TMEM131: variants seen among roughly 807,000 people sequenced by gnomAD.
TMEM131 encodes the protein 2610524E03Rik.
A neutral mutation model predicts 211.6 loss-of-function variants in TMEM131; 66 were observed. The observed-to-expected ratio is 0.31, with a 90% CI of 0.26 to 0.38. The LOEUF is 0.38. Among genes scored for constraint, TMEM131 ranks in the 10% least tolerant of loss-of-function variants. The pLI is 1.00. For synonymous variants in TMEM131, 844 were observed against 841.3 expected, an observed-to-expected ratio of 1.00 and a Z score of -0.06; for missense variants, 2,036 against 2,299.3, an observed-to-expected ratio of 0.89 and a Z score of 2.34.
At position 97,766,263 on chromosome 2, in the gene TMEM131, C is replaced by G; in HGVS notation, c.4574G>C (p.Gly1525Ala). 1 of 1,613,942 alleles carries G rather than the reference C, an allele frequency of 6.2e-7. No individual in the cohort carries two copies. Among genetic ancestry groups the G allele is most frequent in the Non-Finnish European group, 8.5e-7 (1 of 1,179,872 alleles). Residue 1525 changes from glycine (G) to alanine (A), a missense_variant and splice_region_variant, in exon 35 of 41, where the codon GGT (glycine) becomes GCT (alanine). Physicochemically the swap from Gly to Ala is moderately conservative, Grantham distance 60. Around this residue, in one of 3 missense-constraint regions of TMEM131, gnomAD observed 1,623 missense variants for 1,805.9 expected, o/e 0.90. Transcript: ENST00000186436. ...TCTGTTATCCACTAACTTACTTGTA[C>G]CTGCACAAAAATCAGAAAAGAACAT... ...SKSRNAQKTK[G>A]TSKLVDNRPP...
At chr2:97,760,953 G>A in intron 36 of TMEM131, 39 bp from the exon 37 acceptor site, 1 of 1,610,874 alleles carries the variant, frequency 6.2e-7, no homozygotes, top group Non-Finnish European at 8.5e-7. Context: ...TTCCTCATCA[G>A]CAGTGCCCTG....
At chr2:97,774,669 A>G (rs1011526852) in intron 32 of TMEM131, among the ~76,000 whole-genome samples, 3 of 152,186 alleles carry the variant, frequency 2.0e-5, no homozygotes, top group Non-Finnish European at 4.4e-5. Flanking sequence ...AGAGGGGGCC[A>G]CAGTGGTGTG....
intron 29 of TMEM131, among the ~76,000 whole-genome samples, chr2:97,793,993 C>CAAAAAA (rs1169823016): frequency 1.3e-3 from 68 of 54,386 alleles, no homozygotes; most frequent in Admixed American, 2.5e-3. Flanking sequence ...GACTCTGTCT[C>CAAAAAA]AAAAAAAAAA....
intron 5 of TMEM131, among the ~76,000 whole-genome samples, chr2:97,850,941 G>A (rs547962037): frequency 6.6e-6 from 1 of 151,334 alleles, no homozygotes; most frequent in South Asian, 2.1e-4. Flanking sequence ...ACTCCAAAGA[G>A]TTAGAAAAAT....
intron 4 of TMEM131, among the ~76,000 whole-genome samples, chr2:97,873,150 G>A (rs1260953865): frequency 2.0e-5 from 3 of 152,236 alleles, no homozygotes; most frequent in African/African-American, 7.2e-5. Context: ...AGTTCGAACT[G>A]GGCAGAGCCC....
intron 1 of TMEM131, among the ~76,000 whole-genome samples, chr2:97,929,794 G>A (rs2104451348): frequency 6.6e-6 from 1 of 151,798 alleles, no homozygotes; most frequent in East Asian, 1.9e-4. Flanking sequence ...TTTTGCTCAG[G>A]TACAATAAGC....
chr2:97,880,876 T>C (rs768909713), intron 4 of TMEM131, among the ~76,000 whole-genome samples: 4 of 152,150 alleles, frequency 2.6e-5, no homozygotes, highest in African/African-American at 4.8e-5. Flanking sequence ...ATTTTAAAAA[T>C]AGCCTCAGGC....
chr2:97,984,294 C>A (rs919051537), intron 1 of TMEM131, among the ~76,000 whole-genome samples: 5 of 151,966 alleles, frequency 3.3e-5, no homozygotes, highest in Non-Finnish European at 5.9e-5. Flanking sequence ...TTCATTTTTT[C>A]ATAGAAAATT....
intron 4 of TMEM131, among the ~76,000 whole-genome samples, chr2:97,870,904 G>C (rs1185091940): frequency 6.6e-6 from 1 of 152,176 alleles, no homozygotes; most frequent in African/African-American, 2.4e-5. Context: ...GGAAAGATTG[G>C]GTAGGTAGGA....
intron 1 of TMEM131, among the ~76,000 whole-genome samples, chr2:97,967,509 G>A (rs548168900): frequency 5.4e-5 from 8 of 148,934 alleles, no homozygotes; most frequent in Admixed American, 1.3e-4. Context: ...TTGTCAGAAA[G>A]GAAAGAGAAA....
intron 5 of TMEM131, among the ~76,000 whole-genome samples, chr2:97,849,662 T>A (rs1683608211): frequency 6.7e-6 from 1 of 149,778 alleles, no homozygotes; most frequent in Admixed American, 6.6e-5. Context: ...ATTAAATACA[T>A]CAGTGTGTCT....
chr2:97,986,332 G>C (rs931633862), intron 1 of TMEM131, among the ~76,000 whole-genome samples: 1 of 152,096 alleles, frequency 6.6e-6, no homozygotes, highest in Non-Finnish European at 1.5e-5. Context: ...ATGGGGAATA[G>C]GGGCAGGAAA....
chr2:97,767,772 C>G (rs1450365410), intron 33 of TMEM131, among the ~76,000 whole-genome samples: 1 of 152,208 alleles, frequency 6.6e-6, no homozygotes, highest in African/African-American at 2.4e-5. Flanking sequence ...GTGTGTGATA[C>G]TACTCAGGAC....
At chr2:97,877,897 ACTAT>A (rs1674763503) in intron 4 of TMEM131, among the ~76,000 whole-genome samples, 1 of 152,244 alleles carries the variant, frequency 6.6e-6, no homozygotes, top group Admixed American at 6.5e-5. Flanking sequence ...AGCAAAAGAA[ACTAT>A]CATCAGAGTG....
At chr2:97,796,177 G>A in intron 28 of TMEM131, 41 bp downstream of exon 28, 1 of 1,202,844 alleles carries the variant, frequency 8.3e-7, no homozygotes, top group Admixed American at 2.9e-5. Flanking sequence ...AGAGTTTGAG[G>A]AAAGTTAGTG....
At chr2:97,813,725 G>A (rs1681676531) in intron 15 of TMEM131, among the ~76,000 whole-genome samples, 1 of 152,142 alleles carries the variant, frequency 6.6e-6, no homozygotes, top group African/African-American at 2.4e-5. Flanking sequence ...ATATCCAAGA[G>A]AAAGCAGAAT....
At position 97,805,419 on chromosome 2, in the gene TMEM131, C is replaced by T. The variant is rs1165078154; in HGVS notation, c.2241G>A (p.Gln747=). ...IANIYFDPGL[Q]CGDHCYVGLP... ...AGCCAACATAGCAATGATCCCCACA[C>T]TGTAGTCCAGGATCAAAATAAATGT... Residue 747 remains glutamine (Q), a synonymous_variant, in exon 21 of 41, where the codon CAG becomes CAA. Coordinates refer to ENST00000186436, the MANE Select transcript of TMEM131 (RefSeq NM_015348.2). 6.2e-7 allele frequency: 1 copy of T among 1,613,982 alleles called. No homozygotes were observed. The highest frequency in any genetic ancestry group is 8.5e-7 in the Non-Finnish European group (1 of 1,179,882).
In TMEM131 at chr2:97,804,545, C is replaced by A. The variant is rs566909489; in HGVS notation, c.2402+543G>T. 3.0e-4 allele frequency among the ~76,000 whole-genome samples: 46 copies of A among 150,970 alleles called. No individual in the cohort carries two copies. The South Asian group carries it at 8.6e-3, about 28-fold the overall frequency. On this transcript the variant is annotated intron_variant, in intron 22 of 40. Transcript: ENST00000186436. Reference sequence around the variant, plus strand: ...AAGCATGGTGGCATGTACCTGTGGTCCCAGCTACTTGGGAGGCTGATGCAG... The same window carrying A: ...AAGCATGGTGGCATGTACCTGTGGTACCAGCTACTTGGGAGGCTGATGCAG...
At chr2:97,784,728 G>A (rs1238955855) in intron 31 of TMEM131, among the ~76,000 whole-genome samples, 1 of 152,012 alleles carries the variant, frequency 6.6e-6, no homozygotes. Context: ...AAAGTAAGCA[G>A]GACAAAGATA....
Sources: allele counts gnomAD v4.1 joint callset (sites outside exome capture counted in the v4.1 genomes callset), GRCh38; gene constraint gnomAD v4.1.1; regional missense constraint gnomAD v4.1.1; transcripts MANE v1.5; gene names NCBI Gene and HGNC (gene_info 2026-07-23, HGNC 2026-07-21).